GSTM4: variants seen among roughly 807,000 people sequenced by gnomAD.
GSTM4 encodes the protein glutathione S-transferase mu 4.
GSTM4 carries 27 observed loss-of-function variants against 30.1 expected under a neutral mutation model. That is an observed-to-expected ratio of 0.90 (90% CI 0.66 to 1.24). The LOEUF is 1.24. Among genes scored for constraint, GSTM4 ranks in the 50% most tolerant of loss-of-function variants. GSTM4 has a pLI of 0.00. For synonymous variants in GSTM4, 94 were observed against 96.2 expected, an observed-to-expected ratio of 0.98 and a Z score of 0.13; for missense variants, 238 against 272.1, an observed-to-expected ratio of 0.87 and a Z score of 0.88.
At position 109,659,120 on chromosome 1, in the gene GSTM4, C is replaced by G; in HGVS notation, c.567+10C>G. The stretch of plus-strand genomic sequence containing the variant: ...CATCTCCCGCTTTGAGGTGATGCCC[C>G]CATCCTCCTTTCTCTTTGATGCCCC... On this transcript the variant is annotated intron_variant, in intron 7 of 7. Coordinates refer to ENST00000369836, the MANE Select transcript of GSTM4 (RefSeq NM_000850.5). The G allele has an allele frequency of 1.2e-6, 2 of 1,614,176 alleles. No individual in the cohort carries two copies. Among genetic ancestry groups the G allele is most frequent in the Non-Finnish European group, 1.7e-6 (2 of 1,180,042 alleles).
At position 109,661,555 on chromosome 1, in the gene GSTM4, G is replaced by C; in HGVS notation, c.*301G>C. Reference sequence around the variant, plus strand: ...TCCTGTTAGTGGTTGTATCTGCTTTGAAGGGCCTACCTGGCCCCTCGCCTG... The same window carrying C: ...TCCTGTTAGTGGTTGTATCTGCTTTCAAGGGCCTACCTGGCCCCTCGCCTG... On this transcript the variant is annotated 3_prime_UTR_variant, in exon 8 of 8. Transcript: ENST00000369836. 7.7e-7 allele frequency: 1 copy of C among 1,299,908 alleles called. No homozygotes were observed. The highest frequency in any genetic ancestry group is 1.6e-5 in the South Asian group (1 of 63,514). 80.5% of individuals were successfully genotyped at this position (1,299,908 alleles called of 1,614,324 possible). A position where few individuals can be genotyped will look rare whatever the true frequency, so the allele number is the denominator to read the frequency against.
intron 5 of GSTM4, chr1:109,658,580 G>T (rs1652144245): frequency 1.8e-6 from 1 of 544,434 alleles, no homozygotes; most frequent in Non-Finnish European, 3.3e-6. Flanking sequence ...GAGGTCAGTG[G>T]GGACAGATTC....
chr1:109,660,972 C>T (rs1476341272), intron 7 of GSTM4, 193 bp from the exon 8 acceptor site: 1 of 621,754 alleles, frequency 1.6e-6, no homozygotes, highest in Non-Finnish European at 2.9e-6. Context: ...TGTGGTACAA[C>T]ATTACTTAAA....
chr1:109,658,798 C>T lies in GSTM4; in HGVS notation c.361-16C>T, dbSNP rs1652156080. On this transcript the variant is annotated splice_polypyrimidine_tract_variant and intron_variant, in intron 5 of 7. Transcript: ENST00000369836. Reference sequence around the variant, plus strand: ...AGCTTGTGTCTGAGGGTGGTGACAGCTGTTTTCTGCCTCAGGAGAAACTGA... The same window carrying T: ...AGCTTGTGTCTGAGGGTGGTGACAGTTGTTTTCTGCCTCAGGAGAAACTGA... 2 of 1,585,650 alleles carry T rather than the reference C, an allele frequency of 1.3e-6. No homozygotes were observed. Among genetic ancestry groups the T allele is most frequent in the African/African-American group, 1.3e-5 (1 of 74,396 alleles).
chr1:109,657,000 C>A, intron 2 of GSTM4: 1 of 782,096 alleles, frequency 1.3e-6, no homozygotes, highest in South Asian at 1.5e-5. Flanking sequence ...TTGGGTGTCC[C>A]TCAGAGCTTC....
chr1:109,659,071 C>G lies in GSTM4; in HGVS notation c.528C>G (p.Asp176Glu), dbSNP rs781512791. 16 of 1,614,214 alleles carry G rather than the reference C, an allele frequency of 9.9e-6. No individual in the cohort carries two copies. The highest frequency in any genetic ancestry group is 1.4e-5 in the Non-Finnish European group (16 of 1,180,038). Residue 176 changes from aspartate to glutamate, a missense_variant, in exon 7 of 8, where the codon GAC becomes GAG. Coordinates refer to ENST00000369836, the MANE Select transcript of GSTM4 (RefSeq NM_000850.5). ...LHRIFEPNCLDAFPNLKDFIS... is the reference protein window; with the variant it reads ...LHRIFEPNCLEAFPNLKDFIS... The stretch of plus-strand genomic sequence containing the variant: ...GTATATTTGAGCCCAACTGCTTGGA[C>G]GCCTTTCCAAATCTGAAGGACTTCA...
intron 7 of GSTM4, chr1:109,660,809 A>G (rs1652276162): frequency 1.4e-5 from 4 of 287,866 alleles, no homozygotes; most frequent in Admixed American, 9.4e-5. Flanking sequence ...AGTGTGAGGA[A>G]GTTACTGAAC....
chr1:109,658,240 A>G (rs1652127265), intron 5 of GSTM4: 1 of 277,228 alleles, frequency 3.6e-6, no homozygotes, highest in Admixed American at 4.9e-5. Context: ...GGGATGTAAT[A>G]GCACCCTCCT....
chr1:109,661,217 C>G lies in GSTM4; in HGVS notation c.620C>G (p.Pro207Arg), dbSNP rs1444800093. ...YMKSSRFLPK[P>R]LYTRVAVWGN... ...AAGTCCAGCCGCTTCCTCCCAAAAC[C>G]TCTGTACACAAGGGTGGCTGTCTGG... The change falls in exon 8 of 8, where the codon CCT (proline) becomes CGT (arginine). Residue 207 changes from proline to arginine, a missense_variant. By Grantham distance (103) the Pro-to-Arg change is moderately radical (BLOSUM62 -2). Coordinates refer to ENST00000369836, the MANE Select transcript of GSTM4 (RefSeq NM_000850.5). 6.2e-7 allele frequency: 1 copy of G among 1,611,242 alleles called. No individual in the cohort carries two copies. The highest frequency in any genetic ancestry group is 8.5e-7 in the Non-Finnish European group (1 of 1,179,544).
rs1403873865 is a variant in GSTM4, at chr1:109,656,312, T to C, written c.-78T>C. 7.0e-7 allele frequency: 1 copy of C among 1,434,408 alleles called. No individual in the cohort carries two copies. Among genetic ancestry groups the C allele is most frequent in the African/African-American group, 1.4e-5 (1 of 71,580 alleles). The allele number at this position is 1,434,408 out of a possible 1,614,324, so 88.9% of individuals were successfully genotyped here. Reference sequence around the variant, plus strand: ...CGGGTCTGGCGCTAGGTCCAGCCCCTGCGTGCCGGGAACCCCAGAGGAGGT... The same window carrying C: ...CGGGTCTGGCGCTAGGTCCAGCCCCCGCGTGCCGGGAACCCCAGAGGAGGT... On this transcript the variant is annotated 5_prime_UTR_variant, in exon 1 of 8. Coordinates refer to ENST00000369836, the MANE Select transcript of GSTM4 (RefSeq NM_000850.5).
At chr1:109,667,165 G>A (rs1647355925), downstream of GSTM4, among the ~76,000 whole-genome samples, 1 of 149,982 alleles carries the variant, frequency 6.7e-6, no homozygotes, top group African/African-American at 2.4e-5. Flanking sequence ...CCAGTGGTGT[G>A]CTGGATGGAT....
rs773184875 is a variant in GSTM4, at chr1:109,659,044, C to T, written c.501C>T (p.His167=). 3 of 1,614,218 alleles carry T rather than the reference C, an allele frequency of 1.9e-6. No individual in the cohort carries two copies. Among genetic ancestry groups the T allele is most frequent in the Admixed American group, 1.7e-5 (1 of 60,028 alleles). ...TCGCCTATGATGTCCTTGACCTCCA[C>T]CGTATATTTGAGCCCAACTGCTTGG... The part of the protein sequence containing the change: ...DFLAYDVLDL[H]RIFEPNCLDA... Residue 167 remains histidine, a synonymous_variant, in exon 7 of 8, where the codon CAC becomes CAT. Transcript: ENST00000369836.
Position 109,656,282 on chromosome 1 carries a change from G to C in GSTM4, c.-108G>C. On this transcript the variant is annotated 5_prime_UTR_variant, in exon 1 of 8. Transcript: ENST00000369836. The stretch of plus-strand genomic sequence containing the variant: ...AGATCGGCGGGCGCAGCGGGGCCGA[G>C]GGGGCGGGTCTGGCGCTAGGTCCAG... 9.0e-7 allele frequency: 1 copy of C among 1,108,742 alleles called. No homozygotes were observed. Among genetic ancestry groups the C allele is most frequent in the Non-Finnish European group, 1.4e-6 (1 of 724,462 alleles). The allele number at this position is 1,108,742 out of a possible 1,614,324, so 68.7% of individuals were successfully genotyped here. A position where few individuals can be genotyped will look rare whatever the true frequency, so the allele number is the denominator to read the frequency against.
chr1:109,666,398 C>T (rs1318867199), downstream of GSTM4, among the ~76,000 whole-genome samples: 1 of 152,232 alleles, frequency 6.6e-6, no homozygotes, highest in Non-Finnish European at 1.5e-5. Flanking sequence ...TGGGCTCAGG[C>T]TGCCTGTCTC....
chr1:109,659,116 G>T lies in GSTM4; in HGVS notation c.567+6G>T. 6.2e-7 allele frequency: 1 copy of T among 1,614,158 alleles called. No homozygotes were observed. Among genetic ancestry groups the T allele is most frequent in the South Asian group, 1.1e-5 (1 of 91,074 alleles). On this transcript the variant is annotated splice_donor_region_variant and intron_variant, in intron 7 of 7. Coordinates refer to ENST00000369836, the MANE Select transcript of GSTM4 (RefSeq NM_000850.5). ...ACTTCATCTCCCGCTTTGAGGTGAT[G>T]CCCCCATCCTCCTTTCTCTTTGATG...
chr1:109,656,864 GC>G, intron 2 of GSTM4, 77 bp downstream of exon 2: 1 of 1,415,540 alleles, frequency 7.1e-7, no homozygotes, highest in Non-Finnish European at 1.0e-6. Flanking sequence ...GCCACCTGTG[GC>G]TACCTCTGCA....
downstream of GSTM4, chr1:109,661,707 A>G (rs1480904054): frequency 1.9e-6 from 2 of 1,072,614 alleles, no homozygotes; most frequent in African/African-American, 1.7e-5. Flanking sequence ...CACATTTGCT[A>G]TAGTCTTGTC....
At chr1:109,659,159 T>A (rs757867066) in intron 7 of GSTM4, 49 bp downstream of exon 7, 1 of 1,614,086 alleles carries the variant, frequency 6.2e-7, no homozygotes, top group African/African-American at 1.3e-5. Context: ...TTCCGTTACC[T>A]CCTTTCAGAT....
At chr1:109,664,896 C>T (rs1647255848), downstream of GSTM4, 1 of 1,064,956 alleles carries the variant, frequency 9.4e-7, no homozygotes. Context: ...CTCTGTTTAC[C>T]CATTCTCTAC....
Sources: allele counts gnomAD v4.1 joint callset (sites outside exome capture counted in the v4.1 genomes callset), GRCh38; gene constraint gnomAD v4.1.1; transcripts MANE v1.5; gene names NCBI Gene and HGNC (gene_info 2026-07-23, HGNC 2026-07-21).